Variants in RNGTT observed in about 807,000 individuals in gnomAD.
RNGTT encodes the protein RNA guanylyltransferase and 5'-phosphatase, also known as mRNA-capping enzyme.
RNGTT carries 33 observed loss-of-function variants against 79.3 expected under a neutral mutation model. The ratio of observed to expected loss-of-function variants is 0.42; its 90% confidence interval spans 0.32 to 0.56. The LOEUF is 0.56. Ranked by LOEUF, RNGTT falls within the 20% of genes least tolerant of loss-of-function variation. The pLI is 0.17. For synonymous variants in RNGTT, 222 were observed against 235.9 expected, an observed-to-expected ratio of 0.94 and a Z score of 0.54; for missense variants, 497 against 739.1, an observed-to-expected ratio of 0.67 and a Z score of 3.80.
At chr6:88,841,105 T>C (rs1208398862) in intron 11 of RNGTT, among the ~76,000 whole-genome samples, 2 of 152,226 alleles carry the variant, frequency 1.3e-5, no homozygotes, top group African/African-American at 2.4e-5. Flanking sequence ...ACAGAGCAGA[T>C]GGTTAAATAT....
intron 9 of RNGTT, 47 bp downstream of exon 9, chr6:88,853,582 G>A: frequency 1.1e-5 from 14 of 1,269,732 alleles, no homozygotes; most frequent in South Asian, 3.0e-5. Context: ...ACAAGGAAAA[G>A]AAAAATGGCA....
At chr6:88,696,622 AC>A (rs1775681384) in intron 13 of RNGTT, among the ~76,000 whole-genome samples, 5 of 152,042 alleles carry the variant, frequency 3.3e-5, no homozygotes, top group African/African-American at 9.7e-5. Context: ...ACACACACAC[AC>A]ACACACACAC....
At chr6:88,666,729 C>T (rs1774426133) in intron 14 of RNGTT, among the ~76,000 whole-genome samples, 1 of 152,192 alleles carries the variant, frequency 6.6e-6, no homozygotes, top group Non-Finnish European at 1.5e-5. Flanking sequence ...GCTTCATTAA[C>T]CCACAGAGAG....
chr6:88,887,450 T>C (rs1034553240), intron 8 of RNGTT, among the ~76,000 whole-genome samples: 8 of 152,118 alleles, frequency 5.3e-5, no homozygotes, highest in Non-Finnish European at 1.0e-4. Flanking sequence ...GCGCAAAAGA[T>C]AGATTTTACA....
rs7742936 is a variant in RNGTT, at chr6:88,765,415, T to C, written c.1439+4359A>G. On this transcript the variant is annotated intron_variant, in intron 13 of 15. Coordinates refer to ENST00000369485, the MANE Select transcript of RNGTT (RefSeq NM_003800.5). ...AACCATTTTTTAAAGCAAACATTTA[T>C]TTATTGAGTTTTATGCTGAATTTAC... 7.8e-3 allele frequency among the ~76,000 whole-genome samples: 1,186 copies of C among 152,310 alleles called. 8 individuals are homozygous for C. The highest frequency in any genetic ancestry group is 0.026 in the African/African-American group (1,087 of 41,564).
At chr6:88,754,187 G>A (rs991167577) in intron 13 of RNGTT, among the ~76,000 whole-genome samples, 4 of 152,170 alleles carry the variant, frequency 2.6e-5, no homozygotes, top group Non-Finnish European at 5.9e-5. Context: ...GAATCCAAGT[G>A]TCTACTGAGT....
chr6:88,635,924 G>T (rs752045901), intron 14 of RNGTT, among the ~76,000 whole-genome samples: 58 of 152,014 alleles, frequency 3.8e-4, no homozygotes, highest in Non-Finnish European at 7.5e-4. Flanking sequence ...TGCTAGTCAT[G>T]GAGGGTTCTC....
intron 13 of RNGTT, among the ~76,000 whole-genome samples, chr6:88,687,388 T>G (rs1415428366): frequency 6.6e-5 from 10 of 152,182 alleles, no homozygotes; most frequent in Admixed American, 6.6e-4. Context: ...AAACTACACA[T>G]GCACTTAGCT....
intron 13 of RNGTT, among the ~76,000 whole-genome samples, chr6:88,735,459 T>G (rs57722787): frequency 6.6e-6 from 1 of 151,674 alleles, no homozygotes; most frequent in African/African-American, 2.4e-5. Context: ...AATTTAAGGT[T>G]TTTTTCAGAT....
At chr6:88,871,032 T>C (rs969839153) in intron 8 of RNGTT, among the ~76,000 whole-genome samples, 6 of 152,128 alleles carry the variant, frequency 3.9e-5, no homozygotes, top group African/African-American at 1.4e-4. Flanking sequence ...TGTTTGTAGT[T>C]TTTACTACAA....
intron 12 of RNGTT, among the ~76,000 whole-genome samples, chr6:88,782,516 A>G (rs191525026): frequency 1.8e-4 from 27 of 152,232 alleles, no homozygotes; most frequent in Admixed American, 1.4e-3. Context: ...TATAACACCA[A>G]AAGCACAGGC....
intron 13 of RNGTT, among the ~76,000 whole-genome samples, chr6:88,686,293 T>A (rs185615617): frequency 6.6e-6 from 1 of 151,702 alleles, no homozygotes; most frequent in Non-Finnish European, 1.5e-5. Flanking sequence ...CCTAAGTAAA[T>A]GAAAGAATAC....
At chr6:88,924,746 GAC>G (rs1491517324) in intron 4 of RNGTT, among the ~76,000 whole-genome samples, 1 of 144,220 alleles carries the variant, frequency 6.9e-6, no homozygotes, top group Admixed American at 6.9e-5. Context: ...TTTTTTTAGA[GAC>G]AGATTCTCAC....
chr6:88,685,540 G>C (rs770342883), intron 13 of RNGTT, among the ~76,000 whole-genome samples: 41 of 151,586 alleles, frequency 2.7e-4, no homozygotes, highest in Non-Finnish European at 4.3e-4. Context: ...GGGGAGAAGG[G>C]GGGAGGATGA....
chr6:88,930,142 A>G (rs1442204232), intron 2 of RNGTT, among the ~76,000 whole-genome samples: 1 of 148,328 alleles, frequency 6.7e-6, no homozygotes, highest in Non-Finnish European at 1.5e-5. Context: ...ACATACATAT[A>G]CATATACGTA....
At chr6:88,791,040 G>A (rs1779388984) in intron 12 of RNGTT, among the ~76,000 whole-genome samples, 1 of 151,890 alleles carries the variant, frequency 6.6e-6, no homozygotes, top group Non-Finnish European at 1.5e-5. Context: ...ACATTATATG[G>A]CAAAAGAGAC....
chr6:88,838,774 T>A (rs1781166454), intron 11 of RNGTT, among the ~76,000 whole-genome samples: 1 of 152,000 alleles, frequency 6.6e-6, no homozygotes, highest in Non-Finnish European at 1.5e-5. Context: ...AAAATTCACA[T>A]GAAAATGCAA....
intron 13 of RNGTT, among the ~76,000 whole-genome samples, chr6:88,723,039 A>T (rs978929004): frequency 6.6e-6 from 1 of 152,216 alleles, no homozygotes; most frequent in Admixed American, 6.5e-5. Flanking sequence ...TTTAGAATGT[A>T]TTCCTTCTAC....
Position 88,729,540 on chromosome 6 carries a change from T to A in RNGTT, c.1439+40234A>T, listed in dbSNP as rs539585837. On this transcript the variant is annotated intron_variant, in intron 13 of 15. Transcript: ENST00000369485. ...AATAGCTGCAGGATTTGAGTCAATA[T>A]CTTGGTGGGTGACAATTAATAAAAA... is the stretch of plus-strand genomic sequence containing the variant. Among the ~76,000 whole-genome samples the A allele has an allele frequency of 3.0e-4, 46 of 152,252 alleles. No individual in the cohort carries two copies. In the South Asian group the frequency reaches 9.3e-3, roughly 31 times the overall value.
Sources: gnomAD v4.1 joint callset for allele counts (sites outside exome capture counted in the v4.1 genomes callset) on GRCh38, gnomAD v4.1.1 for gene constraint, MANE v1.5 for transcripts, NCBI Gene and HGNC (gene_info 2026-07-23, HGNC 2026-07-21) for gene names.